NRG1: variants seen among roughly 807,000 people sequenced by gnomAD.
NRG1 encodes the protein pro-neuregulin-1, membrane-bound isoform.
Under a neutral mutation model 63.8 loss-of-function variants are expected in NRG1, and 18 were observed. The observed-to-expected ratio is 0.28, with a 90% CI of 0.19 to 0.42. NRG1 has a LOEUF of 0.42. Ranked by LOEUF, NRG1 falls within the 10% of genes least tolerant of loss-of-function variation. The probability of loss-of-function intolerance (pLI) is 1.00; values close to 1 mark genes in which losing one functional copy is unlikely to be tolerated. For synonymous variants in NRG1, 302 were observed against 301.3 expected, an observed-to-expected ratio of 1.00 and a Z score of -0.02; for missense variants, 762 against 814.7, an observed-to-expected ratio of 0.94 and a Z score of 0.79.
At position 32,241,102 on chromosome 8, in the gene NRG1, T is replaced by C. The variant is rs534471719; in HGVS notation, c.38-354726T>C. On this transcript the variant is annotated intron_variant, in intron 1 of 10. Coordinates refer to the NRG1 transcript ENST00000519301. ...CCAGAGGGCTTGTTTAAACAAAAAT[T>C]TCTGCCCTGCAACCACAGAGTTTCT... 2.6e-5 allele frequency among the ~76,000 whole-genome samples: 4 copies of C among 152,266 alleles called. No homozygotes were observed. The South Asian group carries it at 8.3e-4, about 32-fold the overall frequency.
rs1817606725 is a variant in NRG1, at chr8:32,027,460, CCTTCCT to C, written c.37+388030_37+388035del. On this transcript the variant is annotated intron_variant, in intron 1 of 10. Coordinates refer to the NRG1 transcript ENST00000519301. Reference sequence around the variant, plus strand: ...TCCTTCCTTCCTTCCTTCCTTCCTTCCTTCCTTCCCTCCCTCCCTCCCTCCCTAATC... The same window carrying C: ...TCCTTCCTTCCTTCCTTCCTTCCTTCTCCCTCCCTCCCTCCCTCCCTAATC... Among the ~76,000 whole-genome samples the C allele has an allele frequency of 1.7e-3, 210 of 121,080 alleles. 2 individuals are homozygous for C. Among genetic ancestry groups the C allele is most frequent in the African/African-American group, 5.0e-3 (170 of 33,822 alleles). The allele number at this position is 121,080 out of a possible 152,430, so 79.4% of individuals were successfully genotyped here. A position where few individuals can be genotyped will look rare whatever the true frequency, so the allele number is the denominator to read the frequency against.
Position 31,639,796 on chromosome 8 carries a change from T to A in NRG1, c.37+365T>A, listed in dbSNP as rs1438897902. On this transcript the variant is annotated intron_variant, in intron 1 of 10. Transcript: ENST00000519301. ...ACCTCTTCGCCTTTCTGTGGTTCCA[T>A]CCACTTCTTCCCCCTCCTCCTCCCA... is the stretch of plus-strand genomic sequence containing the variant. 18 of 1,252,370 alleles carry A rather than the reference T, an allele frequency of 1.4e-5. No individual in the cohort carries two copies. In the Admixed American group the frequency reaches 3.4e-4, roughly 23 times the overall value. 77.6% of individuals were successfully genotyped at this position (1,252,370 alleles called of 1,614,324 possible).
chr8:32,421,381 A>G (rs114492666), intron 1 of NRG1, among the ~76,000 whole-genome samples: 1,558 of 152,310 alleles, frequency 0.01, 30 homozygotes, highest in African/African-American at 0.036. Context: ...TACCATTTGT[A>G]GGTTCTGGCC....
intron 1 of NRG1, among the ~76,000 whole-genome samples, chr8:32,063,699 A>C (rs1018065013): frequency 6.6e-6 from 1 of 152,150 alleles, no homozygotes; most frequent in African/African-American, 2.4e-5. Flanking sequence ...TAAGATCTTT[A>C]AGATGGAGAG....
intron 1 of NRG1, among the ~76,000 whole-genome samples, chr8:32,382,138 AAGTG>A (rs1161780484): frequency 6.6e-6 from 1 of 152,202 alleles, no homozygotes; most frequent in African/African-American, 2.4e-5. Flanking sequence ...CAGTCTTATG[AAGTG>A]AGTATTATGA....
chr8:31,914,790 G>T (rs533480327), intron 1 of NRG1, among the ~76,000 whole-genome samples: 1 of 151,812 alleles, frequency 6.6e-6, no homozygotes, highest in South Asian at 2.1e-4. Context: ...TTTAGTGAAG[G>T]ACCAGTGTCT....
In NRG1 at chr8:32,513,170, G is replaced by GGTGTGTGT. The variant is rs55982622; in HGVS notation, c.38-82643_38-82636dup. 6.9e-3 allele frequency among the ~76,000 whole-genome samples: 1,023 copies of GGTGTGTGT among 149,228 alleles called. 8 individuals are homozygous for GGTGTGTGT. The highest frequency in any genetic ancestry group is 0.023 in the African/African-American group (951 of 40,684). On this transcript the variant is annotated intron_variant, in intron 1 of 10. Transcript: ENST00000519301. ...CTATATTGGTTGGCTTGCTGAAGCT[G>GGTGTGTGT]GTGTGTGTGTGTGTGTGTGTGTATG...
At chr8:31,768,807 A>G (rs1818331298) in intron 1 of NRG1, among the ~76,000 whole-genome samples, 1 of 152,196 alleles carries the variant, frequency 6.6e-6, no homozygotes, top group Non-Finnish European at 1.5e-5. Flanking sequence ...GAGCACAAAT[A>G]ATATCTCAGT....
intron 1 of NRG1, among the ~76,000 whole-genome samples, chr8:32,181,543 C>A (rs1001917374): frequency 6.6e-6 from 1 of 152,134 alleles, no homozygotes; most frequent in Non-Finnish European, 1.5e-5. Context: ...TTCCAGGTTA[C>A]CAGTAATACA....
intron 1 of NRG1, among the ~76,000 whole-genome samples, chr8:32,489,819 T>A (rs1228101810): frequency 1.3e-5 from 2 of 152,196 alleles, no homozygotes; most frequent in African/African-American, 4.8e-5. Flanking sequence ...ATTTAAGAGA[T>A]TAATGTTTCA....
At chr8:31,874,526 C>A (rs1418028425) in intron 1 of NRG1, among the ~76,000 whole-genome samples, 1 of 152,142 alleles carries the variant, frequency 6.6e-6, no homozygotes, top group Non-Finnish European at 1.5e-5. Flanking sequence ...TTAATACAGG[C>A]ATGCAATGCA....
intron 1 of NRG1, among the ~76,000 whole-genome samples, chr8:32,205,732 G>A (rs1563907877): frequency 6.6e-6 from 1 of 152,084 alleles, no homozygotes; most frequent in Non-Finnish European, 1.5e-5. Flanking sequence ...GCCTGGGAGG[G>A]TAAGCATTTT....
intron 5 of NRG1, among the ~76,000 whole-genome samples, chr8:32,717,096 C>T (rs1819438869): frequency 6.6e-6 from 1 of 152,174 alleles, no homozygotes; most frequent in African/African-American, 2.4e-5. Context: ...GTTAATTTAT[C>T]ATTTTGGCCC....
chr8:32,258,754 T>C (rs890581725), intron 1 of NRG1, among the ~76,000 whole-genome samples: 4 of 152,050 alleles, frequency 2.6e-5, no homozygotes, highest in African/African-American at 9.7e-5. Context: ...TCCCACTAGG[T>C]CCCTCTCTCC....
intron 1 of NRG1, among the ~76,000 whole-genome samples, chr8:31,814,307 G>A (rs996388255): frequency 1.3e-5 from 2 of 152,160 alleles, no homozygotes; most frequent in Non-Finnish European, 2.9e-5. Flanking sequence ...AGTGGGCATC[G>A]TGGGTCAGTT....
intron 7 of NRG1, among the ~76,000 whole-genome samples, chr8:32,743,965 T>G (rs1020538440): frequency 6.6e-6 from 1 of 152,030 alleles, no homozygotes; most frequent in African/African-American, 2.4e-5. Flanking sequence ...TGCATGGGTG[T>G]GTTCCATTAA....
chr8:32,070,649 C>G (rs1403750278), intron 1 of NRG1, among the ~76,000 whole-genome samples: 1 of 152,146 alleles, frequency 6.6e-6, no homozygotes, highest in Non-Finnish European at 1.5e-5. Context: ...ATCTATTCAC[C>G]TCTCTCTGTT....
intron 10 of NRG1, among the ~76,000 whole-genome samples, chr8:32,759,833 G>A (rs1830375868): frequency 6.6e-6 from 1 of 152,104 alleles, no homozygotes; most frequent in Non-Finnish European, 1.5e-5. Context: ...CCACCTGAGT[G>A]CACTTACTCT....
intron 1 of NRG1, among the ~76,000 whole-genome samples, chr8:31,835,047 A>G (rs73576515): frequency 6.6e-6 from 1 of 152,238 alleles, no homozygotes; most frequent in African/African-American, 2.4e-5. Context: ...GTTAATACTG[A>G]TGCCATGAGG....
Sources: allele counts gnomAD v4.1 joint callset (sites outside exome capture counted in the v4.1 genomes callset), GRCh38; gene constraint gnomAD v4.1.1; transcripts MANE v1.5; gene names NCBI Gene and HGNC (gene_info 2026-07-23, HGNC 2026-07-21).